The following TJP1 variants were observed in gnomAD, a reference collection of about 807,000 sequenced individuals.
TJP1 encodes tight junction protein ZO-1.
In TJP1, 43 loss-of-function variants were observed where a neutral mutation model predicts 194.2. That is an observed-to-expected ratio of 0.22 (90% confidence interval 0.17 to 0.29). TJP1 has a LOEUF of 0.29. Among genes scored for constraint, TJP1 ranks in the 10% least tolerant of loss-of-function variants. TJP1 has a pLI of 1.00. For missense variants in TJP1, 1,971 were observed against 2,185.7 expected, an observed-to-expected ratio of 0.90 and a Z score of 1.96; for synonymous variants, 801 against 779.0, an observed-to-expected ratio of 1.03 and a Z score of -0.47.
intron 2 of TJP1, among the ~76,000 whole-genome samples, chr15:29,831,102 G>A (rs1168444118): frequency 1.3e-5 from 2 of 152,082 alleles, no homozygotes; most frequent in African/African-American, 4.8e-5. Flanking sequence ...GAACACCCCT[G>A]GATAAAACTT....
At chr15:29,877,634 C>T (rs751129917) in intron 2 of TJP1, among the ~76,000 whole-genome samples, 1 of 146,696 alleles carries the variant, frequency 6.8e-6, no homozygotes, top group Non-Finnish European at 1.5e-5. Context: ...CTTCTTCTTT[C>T]TTCTTCTCTT....
intron 1 of TJP1, among the ~76,000 whole-genome samples, chr15:29,814,656 G>T (rs935954427): frequency 3.3e-5 from 5 of 151,964 alleles, no homozygotes; most frequent in Admixed American, 2.0e-4. Context: ...AAATATTTCG[G>T]TAAGTCAAAA....
intron 2 of TJP1, among the ~76,000 whole-genome samples, chr15:29,846,560 G>T (rs142419365): frequency 6.6e-6 from 1 of 152,200 alleles, no homozygotes; most frequent in African/African-American, 2.4e-5. Flanking sequence ...TATTGAAGAG[G>T]TTAGGGAGGT....
chr15:29,740,944 C>A, intron 10 of TJP1: 2 of 191,256 alleles, frequency 1.0e-5, no homozygotes, highest in South Asian at 2.2e-4. Flanking sequence ...CACAGGACAG[C>A]CCCTCACAAC....
At chr15:29,713,419 T>C (rs943342184) in intron 23 of TJP1, among the ~76,000 whole-genome samples, 2 of 152,216 alleles carry the variant, frequency 1.3e-5, no homozygotes, top group African/African-American at 2.4e-5. Context: ...TAATATCTGC[T>C]TGCTTCCTGG....
At chr15:29,894,863 T>C (rs191923337) in intron 2 of TJP1, among the ~76,000 whole-genome samples, 25 of 152,302 alleles carry the variant, frequency 1.6e-4, no homozygotes, top group Admixed American at 1.6e-3. Context: ...ACTGACTCTG[T>C]CTCCTGGAGG....
intron 2 of TJP1, among the ~76,000 whole-genome samples, chr15:29,774,108 G>A (rs1387570472): frequency 3.3e-5 from 5 of 152,038 alleles, no homozygotes; most frequent in African/African-American, 4.8e-5. Flanking sequence ...AGTTTAAAGA[G>A]ACAATATACA....
intron 1 of TJP1, among the ~76,000 whole-genome samples, chr15:29,820,263 C>T (rs1256798012): frequency 6.6e-6 from 1 of 151,590 alleles, no homozygotes; most frequent in Non-Finnish European, 1.5e-5. Context: ...TTTTAATCAC[C>T]TTCAAAAATT....
Position 29,883,185 on chromosome 15 carries a change from C to T in TJP1, c.306+73047G>A, listed in dbSNP as rs531206306. ...TCTGTCTGCTTCCTCCAACTATTGT[C>T]AAAGAAGGTTAATTTGGAATTTAAC... On this transcript the variant is annotated intron_variant, in intron 2 of 28. Transcript: ENST00000356107. Among the ~76,000 whole-genome samples, 4 of 152,304 alleles carry T rather than the reference C, an allele frequency of 2.6e-5. No individual in the cohort carries two copies. The South Asian group carries it at 6.2e-4, about 24-fold the overall frequency.
At chr15:29,918,526 G>A (rs539369639) in intron 2 of TJP1, among the ~76,000 whole-genome samples, 1 of 152,256 alleles carries the variant, frequency 6.6e-6, no homozygotes, top group South Asian at 2.1e-4. Flanking sequence ...TTTGAGCTCA[G>A]GAGTCCCAGA....
At chr15:29,763,667 T>C (rs1050398131) in intron 5 of TJP1, among the ~76,000 whole-genome samples, 3 of 149,714 alleles carry the variant, frequency 2.0e-5, no homozygotes, top group Non-Finnish European at 4.4e-5. Flanking sequence ...CTTGGGAGGC[T>C]GAGGGAGGAG....
chr15:29,909,144 G>A (rs535882328), intron 2 of TJP1, among the ~76,000 whole-genome samples: 35 of 143,846 alleles, frequency 2.4e-4, no homozygotes, highest in Non-Finnish European at 4.1e-4. Context: ...GGAACAGAGG[G>A]AGACTCCATC....
At chr15:29,954,267 C>G (rs544299541) in intron 2 of TJP1, among the ~76,000 whole-genome samples, 1 of 152,134 alleles carries the variant, frequency 6.6e-6, no homozygotes, top group Non-Finnish European at 1.5e-5. Context: ...TGAAGGCCAT[C>G]TTTTTCTCTG....
chr15:29,877,077 T>C (rs2052729628), intron 2 of TJP1, among the ~76,000 whole-genome samples: 1 of 152,240 alleles, frequency 6.6e-6, no homozygotes, highest in Non-Finnish European at 1.5e-5. Context: ...AGGGCAGGAT[T>C]CTACAGCTAA....
intron 4 of TJP1, among the ~76,000 whole-genome samples, chr15:29,768,302 G>A (rs1231605327): frequency 1.3e-5 from 2 of 152,134 alleles, no homozygotes; most frequent in African/African-American, 4.8e-5. Flanking sequence ...TTCTCCTATT[G>A]GAGCAACCCA....
chr15:29,707,168 C>T lies in TJP1; in HGVS notation c.4850+1391G>A, dbSNP rs45608037. On this transcript the variant is annotated intron_variant, in intron 25 of 27. Coordinates refer to ENST00000614355, the MANE Select transcript of TJP1 (RefSeq NM_001330239.4). ...TGTATGGGCATATCCCAAACATCCA[C>T]GAAAGAGAGACAGTAGATTAACTTA... Among the ~76,000 whole-genome samples, 1,110 of 152,152 alleles carry T rather than the reference C, an allele frequency of 7.3e-3. 34 individuals carry two copies. Among genetic ancestry groups the T allele is most frequent in the Admixed American group, 0.059 (908 of 15,292 alleles).
intron 1 of TJP1, among the ~76,000 whole-genome samples, chr15:29,964,323 T>A (rs1424899245): frequency 6.6e-6 from 1 of 152,194 alleles, no homozygotes; most frequent in Non-Finnish European, 1.5e-5. Context: ...TCTGCATATG[T>A]ATACATCATA....
At chr15:29,865,753 A>G (rs1360920809) in intron 2 of TJP1, among the ~76,000 whole-genome samples, 1 of 152,146 alleles carries the variant, frequency 6.6e-6, no homozygotes, top group Non-Finnish European at 1.5e-5. Context: ...TATCAAATGA[A>G]CCAGAGGGTC....
At chr15:29,817,623 A>T (rs1390542558) in intron 1 of TJP1, among the ~76,000 whole-genome samples, 2 of 152,222 alleles carry the variant, frequency 1.3e-5, no homozygotes, top group Admixed American at 6.5e-5. Context: ...AAAATGTGGT[A>T]CATATATACA....
Sources: allele counts gnomAD v4.1 joint callset (sites outside exome capture counted in the v4.1 genomes callset), GRCh38; gene constraint gnomAD v4.1.1; transcripts MANE v1.5; gene names NCBI Gene and HGNC (gene_info 2026-07-23, HGNC 2026-07-21).